The following EIF2B3 variants were observed in gnomAD, a reference collection of about 807,000 sequenced individuals.
EIF2B3 encodes eukaryotic translation initiation factor 2B subunit gamma.
A neutral mutation model predicts 54.1 loss-of-function variants in EIF2B3; 20 were observed. That is an observed-to-expected ratio of 0.37 (90% CI 0.26 to 0.54). The LOEUF is 0.54. Among genes scored for constraint, EIF2B3 ranks in the 20% least tolerant of loss-of-function variants. EIF2B3 has a pLI of 0.86. For synonymous variants in EIF2B3, 153 were observed against 188.1 expected (o/e 0.81, Z 1.52); for missense variants, 448 against 547.8 (o/e 0.82, Z 1.82).
chr1:44,962,612 A>G (rs1187208532), intron 3 of EIF2B3, among the ~76,000 whole-genome samples: 1 of 152,036 alleles, frequency 6.6e-6, no homozygotes, highest in East Asian at 1.9e-4. Flanking sequence ...AGGGAGTCTC[A>G]CCATCTTGCC....
At position 44,850,700 on chromosome 1, in the gene EIF2B3, A is replaced by C. The variant is rs1654243279; in HGVS notation, c.*251T>G. ...CTGCCCCACCGATACATCTTGGCAC[A>C]CAAGAGTTAGGCCACTGTATCTGTC... On this transcript the variant is annotated 3_prime_UTR_variant, in exon 12 of 12. Transcript: ENST00000360403. 1 of 554,538 alleles carries C rather than the reference A, an allele frequency of 1.8e-6. No homozygotes were observed. The highest frequency in any genetic ancestry group is 3.2e-5 in the Admixed American group (1 of 31,686). The allele number at this position is 554,538 out of a possible 1,614,324, so 34.4% of individuals were successfully genotyped here. A position where few individuals can be genotyped will look rare whatever the true frequency, so the allele number is the denominator to read the frequency against.
chr1:44,973,155 T>G (rs1644419307), intron 3 of EIF2B3, among the ~76,000 whole-genome samples: 1 of 152,118 alleles, frequency 6.6e-6, no homozygotes, highest in African/African-American at 2.4e-5. Flanking sequence ...CATTAAAAAA[T>G]TAAACACAGA....
chr1:44,922,577 ACT>A (rs1345698929), intron 5 of EIF2B3, among the ~76,000 whole-genome samples: 12 of 121,984 alleles, frequency 9.8e-5, no homozygotes, highest in African/African-American at 3.7e-4. Flanking sequence ...ATAGAGCGAG[ACT>A]CTGTCTCAAG....
intron 4 of EIF2B3, among the ~76,000 whole-genome samples, chr1:44,935,698 A>G (rs992485256): frequency 6.6e-6 from 1 of 152,108 alleles, no homozygotes; most frequent in Admixed American, 6.6e-5. Context: ...AGAGGGTTTC[A>G]CCATGTTGGT....
intron 8 of EIF2B3, among the ~76,000 whole-genome samples, chr1:44,875,957 G>A (rs1378102716): frequency 1.3e-5 from 2 of 152,214 alleles, no homozygotes; most frequent in South Asian, 2.1e-4. Flanking sequence ...ACTGGTTTTC[G>A]TATTTTTTTG....
rs1303566777 is a variant in EIF2B3, at chr1:44,964,960, G to A, written c.294+13355C>T. Among the ~76,000 whole-genome samples the A allele has an allele frequency of 5.3e-5, 8 of 152,158 alleles. No homozygotes were observed. In the East Asian group the frequency reaches 1.5e-3, roughly 29 times the overall value. On this transcript the variant is annotated intron_variant, in intron 3 of 11. Coordinates refer to ENST00000360403, the MANE Select transcript of EIF2B3 (RefSeq NM_020365.5). ...TCTGTTTCTAAAGCACACAAAAACAGCACCAATGGCTGGTTACCCCAGATA... is the reference window on the plus strand; with the variant it reads ...TCTGTTTCTAAAGCACACAAAAACAACACCAATGGCTGGTTACCCCAGATA...
chr1:44,959,114 C>A, intron 3 of EIF2B3: 1 of 761,732 alleles, frequency 1.3e-6, no homozygotes, highest in Non-Finnish European at 2.3e-6. Context: ...CGTAACATCC[C>A]TATTGCTAAC....
rs944444236 is a variant in EIF2B3, at chr1:44,915,213, T to C, written c.566+11415A>G. Among the ~76,000 whole-genome samples, 3 of 151,198 alleles carry C rather than the reference T, an allele frequency of 2.0e-5. No homozygotes were observed. The South Asian group carries it at 6.3e-4, about 31-fold the overall frequency. On this transcript the variant is annotated intron_variant, in intron 5 of 11. Coordinates refer to ENST00000360403, the MANE Select transcript of EIF2B3 (RefSeq NM_020365.5). ...TACTTGGGAGGCTGAGGCAGGAGAA[T>C]TGCTTGAGCCTGGGAGGCGGAGATT...
chr1:44,858,557 C>T (rs1446830649), intron 10 of EIF2B3, among the ~76,000 whole-genome samples: 3 of 152,056 alleles, frequency 2.0e-5, no homozygotes, highest in Non-Finnish European at 4.4e-5. Flanking sequence ...ACAGCCTCCA[C>T]CTCCTGGGTT....
intron 3 of EIF2B3, among the ~76,000 whole-genome samples, chr1:44,966,336 G>A (rs959502614): frequency 2.0e-5 from 3 of 151,790 alleles, no homozygotes; most frequent in African/African-American, 7.3e-5. Flanking sequence ...CTACTTGGGA[G>A]GCTGAGACAG....
intron 10 of EIF2B3, among the ~76,000 whole-genome samples, chr1:44,864,114 A>G (rs1270054189): frequency 6.6e-6 from 1 of 152,240 alleles, no homozygotes; most frequent in African/African-American, 2.4e-5. Context: ...AAATCAAAGC[A>G]AAGATGTAAC....
intron 7 of EIF2B3, among the ~76,000 whole-genome samples, chr1:44,880,556 C>G (rs1056763788): frequency 6.6e-6 from 1 of 152,142 alleles, no homozygotes; most frequent in Non-Finnish European, 1.5e-5. Context: ...AAGTACAGAA[C>G]TTGGAGCCCA....
chr1:44,911,237 A>G (rs1643509458), intron 5 of EIF2B3, among the ~76,000 whole-genome samples: 1 of 152,224 alleles, frequency 6.6e-6, no homozygotes, highest in African/African-American at 2.4e-5. Context: ...GAATGAGAGA[A>G]TATTTTTATG....
chr1:44,913,283 T>C (rs914734819), intron 5 of EIF2B3, among the ~76,000 whole-genome samples: 1 of 152,142 alleles, frequency 6.6e-6, no homozygotes, highest in Admixed American at 6.5e-5. Context: ...CGTTTTTATT[T>C]TGATAAATGG....
In EIF2B3 at chr1:44,962,255, G is replaced by A. The variant is rs190652442; in HGVS notation, c.294+16060C>T. ...ATCATCATCATCATCCTTCCTCTGGGAGAACATTCTTGGGGTAGAGGACCA... is the reference window on the plus strand; with the variant it reads ...ATCATCATCATCATCCTTCCTCTGGAAGAACATTCTTGGGGTAGAGGACCA... On this transcript the variant is annotated intron_variant, in intron 3 of 11. Transcript: ENST00000360403. 1.2e-3 allele frequency among the ~76,000 whole-genome samples: 171 copies of A among 137,974 alleles called. 5 individuals carry two copies. The highest frequency in any genetic ancestry group is 0.011 in the Admixed American group (153 of 13,442). The allele number at this position is 137,974 out of a possible 152,430, so 90.5% of individuals were successfully genotyped here.
chr1:44,860,245 G>A (rs956843618), intron 10 of EIF2B3, among the ~76,000 whole-genome samples: 1 of 152,084 alleles, frequency 6.6e-6, no homozygotes, highest in Admixed American at 6.6e-5. Context: ...CATCTCTGGG[G>A]CTCAAGTGAT....
chr1:44,906,334 G>A (rs1482074704), intron 5 of EIF2B3, among the ~76,000 whole-genome samples: 1 of 152,160 alleles, frequency 6.6e-6, no homozygotes, highest in African/African-American at 2.4e-5. Context: ...AGATGGTCAC[G>A]GCAAAGGTTC....
At chr1:44,903,977 C>A (rs982116855) in intron 5 of EIF2B3, among the ~76,000 whole-genome samples, 5 of 151,974 alleles carry the variant, frequency 3.3e-5, no homozygotes, top group African/African-American at 1.2e-4. Flanking sequence ...CTCAGGAGGC[C>A]AAGGCAGGAG....
chr1:44,972,623 T>TACACACACACACACACACACACAC (rs1202472645), intron 3 of EIF2B3: 1 of 141,576 alleles, frequency 7.1e-6, no homozygotes, highest in African/African-American at 2.6e-5. Flanking sequence ...AATAAATAAA[T>TACACACACACACACACACACACAC]ACACACACAC....
Sources: allele counts gnomAD v4.1 joint callset (sites outside exome capture counted in the v4.1 genomes callset), GRCh38; gene constraint gnomAD v4.1.1; transcripts MANE v1.5; gene names NCBI Gene and HGNC (gene_info 2026-07-23, HGNC 2026-07-21).